The following CFAP54 variants were observed in gnomAD, a reference collection of about 807,000 sequenced individuals.
CFAP54 encodes the protein cilia and flagella associated protein 54, also known as cilia- and flagella-associated protein 54.
A neutral mutation model predicts 370.4 loss-of-function variants in CFAP54; 290 were observed. The ratio of observed to expected loss-of-function variants is 0.78; its 90% CI spans 0.71 to 0.86. CFAP54 has a LOEUF of 0.86. CFAP54 is among the 40% of genes least tolerant of loss of function. CFAP54 has a pLI of 0.00. For missense variants in CFAP54, 3,399 were observed against 3,528.7 expected (o/e 0.96, Z 0.93); for synonymous variants, 1,206 against 1,236.5 (o/e 0.98, Z 0.52).
intron 5 of CFAP54, among the ~76,000 whole-genome samples, chr12:96,515,783 G>A (rs1157694371): frequency 6.6e-6 from 1 of 151,958 alleles, no homozygotes; most frequent in South Asian, 2.1e-4. Context: ...GTGGGCACTA[G>A]CATCATCATC....
At chr12:96,669,855 C>T (rs1198364263) in intron 39 of CFAP54, among the ~76,000 whole-genome samples, 1 of 152,032 alleles carries the variant, frequency 6.6e-6, no homozygotes, top group Non-Finnish European at 1.5e-5. Context: ...TGGTTGAAGT[C>T]AAGGGTTTGG....
intron 17 of CFAP54, among the ~76,000 whole-genome samples, chr12:96,563,438 A>G (rs1292805827): frequency 6.6e-6 from 1 of 152,198 alleles, no homozygotes; most frequent in Non-Finnish European, 1.5e-5. Context: ...TGACATAAAT[A>G]TGATGCATCT....
intron 19 of CFAP54, among the ~76,000 whole-genome samples, chr12:96,568,563 T>TA (rs1955884061): frequency 6.6e-6 from 1 of 152,202 alleles, no homozygotes; most frequent in South Asian, 2.1e-4. Context: ...CTTTCTTTTT[T>TA]AAAGAAGACA....
chr12:96,613,661 A>C (rs776737899), intron 26 of CFAP54, among the ~76,000 whole-genome samples: 1 of 152,184 alleles, frequency 6.6e-6, no homozygotes, highest in Non-Finnish European at 1.5e-5. Context: ...AAGCAAATAG[A>C]CACAATAAAA....
chr12:96,537,589 G>T (rs1022181739), intron 12 of CFAP54, among the ~76,000 whole-genome samples: 3 of 151,876 alleles, frequency 2.0e-5, no homozygotes, highest in Non-Finnish European at 2.9e-5. Flanking sequence ...TGATCCACCC[G>T]CCTTGGCCTC....
chr12:96,612,458 T>G (rs540282882), intron 26 of CFAP54, among the ~76,000 whole-genome samples: 2 of 152,130 alleles, frequency 1.3e-5, no homozygotes, highest in Non-Finnish European at 2.9e-5. Context: ...AGACCATCGA[T>G]GCTAGGAAGA....
intron 66 of CFAP54, among the ~76,000 whole-genome samples, chr12:96,845,160 G>A (rs749843678): frequency 1.3e-5 from 2 of 152,168 alleles, no homozygotes; most frequent in African/African-American, 2.4e-5. Flanking sequence ...TGTAAGTGAT[G>A]CTGGAAATGT....
In CFAP54 at chr12:96,853,883, A is replaced by G. The variant is rs1355546430; in HGVS notation, c.9172-6936A>G. Among the ~76,000 whole-genome samples the G allele has an allele frequency of 2.6e-5, 4 of 151,700 alleles. No individual in the cohort carries two copies. The East Asian group carries it at 7.7e-4, about 29-fold the overall frequency. On this transcript the variant is annotated intron_variant, in intron 66 of 67. Coordinates refer to ENST00000524981, the MANE Select transcript of CFAP54 (RefSeq NM_001306084.2). ...ATTAATCTTCATCCTTTGACAAATG[A>G]CCACTTGTCTCTGGAGGCTCAATGA... is the stretch of plus-strand genomic sequence containing the variant.
intron 28 of CFAP54, among the ~76,000 whole-genome samples, chr12:96,625,041 C>G (rs1022779430): frequency 6.6e-6 from 1 of 152,010 alleles, no homozygotes; most frequent in Non-Finnish European, 1.5e-5. Context: ...AGTAAATTCT[C>G]CCTGGTGGTC....
intron 67 of CFAP54, among the ~76,000 whole-genome samples, chr12:96,866,428 T>A (rs375052080): frequency 6.6e-6 from 1 of 152,166 alleles, no homozygotes; most frequent in South Asian, 2.1e-4. Flanking sequence ...TTTTCAACTA[T>A]TCAAAATTAA....
chr12:96,757,366 G>T, intron 57 of CFAP54, 129 bp from the exon 58 acceptor site: 1 of 482,868 alleles, frequency 2.1e-6, no homozygotes. Context: ...TGAAAAGAGG[G>T]TGTGTGTTTG....
intron 65 of CFAP54, among the ~76,000 whole-genome samples, chr12:96,818,317 A>G (rs1958998401): frequency 6.6e-6 from 1 of 152,320 alleles, no homozygotes; most frequent in South Asian, 2.1e-4. Context: ...CAGACTTTTT[A>G]TATTACATAT....
At chr12:96,731,195 A>G (rs572102166) in intron 50 of CFAP54, among the ~76,000 whole-genome samples, 4 of 152,264 alleles carry the variant, frequency 2.6e-5, no homozygotes, top group Admixed American at 6.5e-5. Context: ...ATTCCTGCAC[A>G]CTTGTAATTT....
chr12:96,566,467 C>A (rs567267622), intron 19 of CFAP54, among the ~76,000 whole-genome samples: 97 of 152,056 alleles, frequency 6.4e-4, no homozygotes, highest in African/African-American at 2.1e-3. Context: ...TTTGTGACAG[C>A]AGACATTTGT....
intron 30 of CFAP54, among the ~76,000 whole-genome samples, chr12:96,628,695 C>T (rs544695382): frequency 1.8e-4 from 28 of 152,072 alleles, no homozygotes; most frequent in South Asian, 4.1e-4. Context: ...ACAGCTGAAC[C>T]GGGGTTCCAG....
intron 58 of CFAP54, among the ~76,000 whole-genome samples, chr12:96,759,754 C>A (rs1319063927): frequency 6.6e-6 from 1 of 152,172 alleles, no homozygotes; most frequent in Non-Finnish European, 1.5e-5. Flanking sequence ...TCTTTCTAAG[C>A]CTAGTTTCCT....
At chr12:96,589,355 T>C (rs971141859) in intron 22 of CFAP54, 72 bp from the exon 23 acceptor site, 14 of 1,220,810 alleles carry the variant, frequency 1.1e-5, no homozygotes, top group Non-Finnish European at 1.5e-5. Context: ...AGATTGTATA[T>C]TTTAAGAATT....
chr12:96,812,884 CTT>C (rs760610799), intron 64 of CFAP54, among the ~76,000 whole-genome samples: 204 of 152,074 alleles, frequency 1.3e-3, no homozygotes, highest in Non-Finnish European at 2.3e-3. Context: ...CTTTTCTCCT[CTT>C]CTCTCCTGTT....
At position 96,626,854 on chromosome 12, in the gene CFAP54, A is replaced by G. The variant is rs1287386892; in HGVS notation, c.4018A>G (p.Thr1340Ala). The stretch of plus-strand genomic sequence containing the variant: ...AAAACCAAGATTTCTGGAATTCTTT[A>G]CACAAGTTATGCTAAAATGCATGAA... The part of the protein sequence containing the change: ...KQKPRFLEFF[T>A]QVMLKCMNEE... The change falls in exon 30 of 68, where the codon ACA (threonine) becomes GCA (alanine). Residue 1340 changes from threonine (T) to alanine (A), a missense_variant. Transcript: ENST00000524981. The G allele has an allele frequency of 7.1e-7, 1 of 1,418,192 alleles. No homozygotes were observed. Among genetic ancestry groups the G allele is most frequent in the East Asian group, 2.5e-5 (1 of 39,868 alleles). 87.9% of individuals were successfully genotyped at this position (1,418,192 alleles called of 1,614,324 possible). A position where few individuals can be genotyped will look rare whatever the true frequency, so the allele number is the denominator to read the frequency against.
Sources: allele counts gnomAD v4.1 joint callset (sites outside exome capture counted in the v4.1 genomes callset), GRCh38; gene constraint gnomAD v4.1.1; transcripts MANE v1.5; gene names NCBI Gene and HGNC (gene_info 2026-07-23, HGNC 2026-07-21).